Variants in MAL2 observed in about 807,000 individuals in gnomAD.
MAL2 encodes the protein mal, T cell differentiation protein 2.
Under a neutral mutation model 18.1 loss-of-function variants are expected in MAL2, and 17 were observed. The observed-to-expected ratio is 0.94, with a 90% CI of 0.64 to 1.41. The LOEUF (loss-of-function observed/expected upper bound fraction) is 1.41. MAL2 is among the 40% of genes most tolerant of loss of function. The pLI is 0.00. For missense variants in MAL2, 222 were observed against 231.9 expected (o/e 0.96, Z 0.28); for synonymous variants, 102 against 102.3 (o/e 1.00, Z 0.02).
intron 2 of MAL2, among the ~76,000 whole-genome samples, chr8:119,236,315 A>G (rs866933278): frequency 9.6e-4 from 142 of 147,806 alleles, no homozygotes; most frequent in African/African-American, 3.4e-3. Flanking sequence ...TGACCTACAA[A>G]GAGACTTAGA....
chr8:119,235,374 A>G (rs1368744206), intron 2 of MAL2, among the ~76,000 whole-genome samples: 2,266 of 152,150 alleles, frequency 0.015, 59 homozygotes, highest in African/African-American at 0.052. Flanking sequence ...GGAAAACACT[A>G]CAGGATATTA....
Position 119,245,371 on chromosome 8 carries a change from G to A in MAL2, c.*1883G>A, listed in dbSNP as rs986698627. 1 of 152,532 alleles carries A rather than the reference G, an allele frequency of 6.6e-6. No individual in the cohort carries two copies. Among genetic ancestry groups the A allele is most frequent in the African/African-American group, 2.4e-5 (1 of 41,446 alleles). 9.4% of individuals were successfully genotyped at this position (152,532 alleles called of 1,614,324 possible). A position where few individuals can be genotyped will look rare whatever the true frequency, so the allele number is the denominator to read the frequency against. On this transcript the variant is annotated 3_prime_UTR_variant, in exon 4 of 4. Transcript: ENST00000614891. Reference sequence around the variant, plus strand: ...CCCAGGTATAGCAGGCTTATGTTTGGTGGCATTAAATTGGTTTCTTTAAAA... The same window carrying A: ...CCCAGGTATAGCAGGCTTATGTTTGATGGCATTAAATTGGTTTCTTTAAAA...
chr8:119,219,007 C>G (rs1240160484), intron 1 of MAL2, among the ~76,000 whole-genome samples: 1 of 152,116 alleles, frequency 6.6e-6, no homozygotes, highest in Non-Finnish European at 1.5e-5. Flanking sequence ...AAAGATTGAT[C>G]CACTGAAGAC....
At position 119,208,515 on chromosome 8, in the gene MAL2, G is replaced by A. The variant is rs1179836198; in HGVS notation, c.43G>A (p.Ala15Thr). ...GTCAGTCCCGCCGCCCCCGAACCCCGCCGTGTCCTTCCCGCCGCCCCGGGT... is the reference window on the plus strand; with the variant it reads ...GTCAGTCCCGCCGCCCCCGAACCCCACCGTGTCCTTCCCGCCGCCCCGGGT... ...GASVPPPPNPAVSFPPPRVTL... is the reference protein window; with the variant it reads ...GASVPPPPNPTVSFPPPRVTL... The change falls in exon 1 of 4, where the codon GCC becomes ACC. Residue 15 changes from alanine (A) to threonine (T), a missense_variant. Transcript: ENST00000614891. This position sits in a 1 kb window ranked among gnomAD's most constrained non-coding sequence, Gnocchi z 4.3. 1 of 1,376,058 alleles carries A rather than the reference G, an allele frequency of 7.3e-7. No homozygotes were observed. The highest frequency in any genetic ancestry group is 1.7e-5 in the South Asian group (1 of 58,082). The allele number at this position is 1,376,058 out of a possible 1,614,324, so 85.2% of individuals were successfully genotyped here. A position where few individuals can be genotyped will look rare whatever the true frequency, so the allele number is the denominator to read the frequency against.
Position 119,243,532 on chromosome 8 carries a change from A to G in MAL2, c.*44A>G. 2 of 1,512,514 alleles carry G rather than the reference A, an allele frequency of 1.3e-6. No homozygotes were observed. The highest frequency in any genetic ancestry group is 4.8e-5 in the East Asian group (2 of 41,732). The allele number at this position is 1,512,514 out of a possible 1,614,324, so 93.7% of individuals were successfully genotyped here. ...AGTCGTATGTTAGTTTCACTTGTCT[A>G]CTTTATATGTCTGATCAATTTGGAT... On this transcript the variant is annotated 3_prime_UTR_variant, in exon 4 of 4. Coordinates refer to ENST00000614891, the MANE Select transcript of MAL2 (RefSeq NM_052886.3).
intron 3 of MAL2, among the ~76,000 whole-genome samples, chr8:119,242,553 A>G (rs1427536873): frequency 6.6e-6 from 1 of 152,214 alleles, no homozygotes; most frequent in Non-Finnish European, 1.5e-5. Context: ...ATCAAAAGCT[A>G]TTGCTGTCAT....
intron 2 of MAL2, among the ~76,000 whole-genome samples, chr8:119,233,685 T>C (rs181579476): frequency 0.07 from 10,646 of 152,074 alleles, 519 homozygotes; most frequent in Non-Finnish European, 0.11. Flanking sequence ...CAATAATCAA[T>C]AGCTTACCAA....
rs149408593 is a variant in MAL2 at position 119,221,898 on chromosome 8, C to T, written c.303+141C>T. ...AACCACAGAGACTGCTGTGGTGCTG[C>T]GGTGGTGTGTGGCTGCCTTGATGGA... On this transcript the variant is annotated intron_variant, in intron 2 of 3. Transcript: ENST00000614891. 8.1e-4 allele frequency: 731 copies of T among 897,802 alleles called. 2 individuals carry two copies. The African/African-American group carries it at 0.01, about 13-fold the overall frequency. The allele number at this position is 897,802 out of a possible 1,614,324, so 55.6% of individuals were successfully genotyped here.
intron 1 of MAL2, 68 bp from the exon 2 acceptor site, chr8:119,221,519 G>T (rs1028798780): frequency 1.8e-5 from 29 of 1,576,050 alleles, no homozygotes; most frequent in Admixed American, 1.2e-4. Context: ...GGTAATACAA[G>T]CATGTTTAAT....
intron 1 of MAL2, among the ~76,000 whole-genome samples, chr8:119,212,236 T>A (rs1387847624): frequency 2.6e-5 from 4 of 152,210 alleles, no homozygotes; most frequent in African/African-American, 9.6e-5. Flanking sequence ...AAAATTGAAT[T>A]TTTAATAGTA....
Position 119,208,641 on chromosome 8 carries a change from G to A in MAL2, c.132+37G>A. 3 of 1,275,802 alleles carry A rather than the reference G, an allele frequency of 2.4e-6. No homozygotes were observed. Among genetic ancestry groups the A allele is most frequent in the Non-Finnish European group, 3.0e-6 (3 of 1,009,708 alleles). 79.0% of individuals were successfully genotyped at this position (1,275,802 alleles called of 1,614,324 possible). A position where few individuals can be genotyped will look rare whatever the true frequency, so the allele number is the denominator to read the frequency against. ...CGCCGGAGCGAGGGTCGCGCGGGGA[G>A]CGAGGACAGGCGGCGGCATCCTTGT... On this transcript the variant is annotated intron_variant, in intron 1 of 3. Transcript: ENST00000614891. The surrounding 1 kb of genome is among the most constrained non-coding windows in gnomAD (Gnocchi z 4.3).
chr8:119,209,474 C>A (rs1817238152), intron 1 of MAL2, among the ~76,000 whole-genome samples: 1 of 152,158 alleles, frequency 6.6e-6, no homozygotes, highest in Non-Finnish European at 1.5e-5. Context: ...TCCTTGTGGA[C>A]AAGTAGATAA....
chr8:119,216,677 A>T (rs1198070426), intron 1 of MAL2, among the ~76,000 whole-genome samples: 1 of 152,196 alleles, frequency 6.6e-6, no homozygotes, highest in East Asian at 1.9e-4. Flanking sequence ...TGAATTATCC[A>T]ATATATAGAT....
rs886293103 is a variant in MAL2, at chr8:119,208,386, G to GCGT, written c.-85_-84insTCG. 1 of 599,828 alleles carries GCGT rather than the reference G, an allele frequency of 1.7e-6. No homozygotes were observed. The highest frequency in any genetic ancestry group is 3.4e-5 in the African/African-American group (1 of 29,730). The allele number at this position is 599,828 out of a possible 1,614,324, so 37.2% of individuals were successfully genotyped here. A position where few individuals can be genotyped will look rare whatever the true frequency, so the allele number is the denominator to read the frequency against. ...GCGCGCCCGGAGCCCGCGGAGCTGA[G>GCGT]CGGCGGCGGCGGCGGCGGCAGGAGC... is the stretch of plus-strand genomic sequence containing the variant. On this transcript the variant is annotated 5_prime_UTR_variant, in exon 1 of 4. Transcript: ENST00000614891. The surrounding 1 kb of genome is among the most constrained non-coding windows in gnomAD (Gnocchi z 4.3).
At chr8:119,237,274 G>T (rs1046135399) in intron 2 of MAL2, among the ~76,000 whole-genome samples, 10 of 150,754 alleles carry the variant, frequency 6.6e-5, no homozygotes, top group African/African-American at 1.7e-4. Context: ...AATAACAGGA[G>T]CTGAAATTGT....
chr8:119,239,077 C>G (rs1373008353), intron 2 of MAL2, among the ~76,000 whole-genome samples: 1 of 151,190 alleles, frequency 6.6e-6, no homozygotes, highest in Non-Finnish European at 1.5e-5. Context: ...AACAAATTTA[C>G]AAGAAAAAAA....
chr8:119,222,809 CAG>C (rs759337621), intron 2 of MAL2, among the ~76,000 whole-genome samples: 4 of 140,068 alleles, frequency 2.9e-5, no homozygotes, highest in Non-Finnish European at 6.1e-5. Flanking sequence ...GCCAAGGAGA[CAG>C]AGCAAGACCT....
chr8:119,210,135 G>T (rs1554637342), intron 1 of MAL2, among the ~76,000 whole-genome samples: 1 of 151,932 alleles, frequency 6.6e-6, no homozygotes, highest in Non-Finnish European at 1.5e-5. Context: ...CAGTACTTTT[G>T]TCTTTTCTTA....
At chr8:119,211,793 C>T (rs1191009646) in intron 1 of MAL2, among the ~76,000 whole-genome samples, 2 of 150,190 alleles carry the variant, frequency 1.3e-5, no homozygotes, top group South Asian at 2.1e-4. Context: ...GCAATACTTA[C>T]CAATGTATGC....
Sources: allele counts gnomAD v4.1 joint callset (sites outside exome capture counted in the v4.1 genomes callset), GRCh38; gene constraint gnomAD v4.1.1; non-coding constraint Gnocchi (gnomAD v3.1); transcripts MANE v1.5; gene names NCBI Gene and HGNC (gene_info 2026-07-23, HGNC 2026-07-21).